Variants in DNHD1 observed in about 807,000 individuals in gnomAD.
DNHD1 encodes dynein heavy chain domain-containing protein 1.
Under a neutral mutation model 458.1 loss-of-function variants are expected in DNHD1, and 383 were observed. The ratio of observed to expected loss-of-function variants is 0.84; its 90% CI spans 0.77 to 0.91. The LOEUF is 0.91. DNHD1 is among the 40% of genes least tolerant of loss of function. The probability of loss-of-function intolerance (pLI) is 0.00; values close to 1 mark genes in which losing one functional copy is unlikely to be tolerated. For synonymous variants in DNHD1, 2,203 were observed against 2,376.9 expected, an observed-to-expected ratio of 0.93 and a Z score of 2.13; for missense variants, 5,336 against 5,866.1, an observed-to-expected ratio of 0.91 and a Z score of 2.95.
chr11:6,498,157 A>G lies in DNHD1; in HGVS notation c.-59A>G. The G allele has an allele frequency of 6.4e-7, 1 of 1,562,372 alleles. No homozygotes were observed. The highest frequency in any genetic ancestry group is 8.7e-7 in the Non-Finnish European group (1 of 1,152,230). ...CCGCATCTGGCATCCTGGAACTGGC[A>G]GTTGGAGCCTGAGCTATGGGCAAGG... On this transcript the variant is annotated 5_prime_UTR_variant, in exon 3 of 43. Coordinates refer to ENST00000254579, the MANE Select transcript of DNHD1 (RefSeq NM_144666.3).
Position 6,498,284 on chromosome 11 carries a change from GC to G in DNHD1, c.70del (p.His24ThrfsTer23). ...ETSSDSLKSW[H>X]SICVLDSKEQ... ...CATCATCTGATTCCCTTAAGTCTTG[GC>G]ACTCCATATGTGTCTTGGACAGCAA... On this transcript the variant is annotated frameshift_variant, in exon 3 of 43. Transcript: ENST00000254579. LOFTEE classifies it high-confidence loss of function. The G allele has an allele frequency of 2.5e-6, 4 of 1,614,068 alleles. No individual in the cohort carries two copies. The highest frequency in any genetic ancestry group is 3.4e-6 in the Non-Finnish European group (4 of 1,180,052).
chr11:6,564,108 G>T lies in DNHD1; in HGVS notation c.10268G>T (p.Trp3423Leu). 6.5e-7 allele frequency: 1 copy of T among 1,549,850 alleles called. No individual in the cohort carries two copies. The highest frequency in any genetic ancestry group is 1.2e-5 in the South Asian group (1 of 84,042). Reference protein sequence around the residue: ...KAALLTPMRAWTTQLQKLKGR... With the variant: ...KAALLTPMRALTTQLQKLKGR... Reference sequence around the variant, plus strand: ...GCACTGCTCACGCCTATGCGTGCCTGGACTACACAGCTCCAGGTAACCATC... The same window carrying T: ...GCACTGCTCACGCCTATGCGTGCCTTGACTACACAGCTCCAGGTAACCATC... The change falls in exon 31 of 43, where the codon TGG becomes TTG. Residue 3423 changes from tryptophan (W) to leucine (L), a missense_variant. Coordinates refer to ENST00000254579, the MANE Select transcript of DNHD1 (RefSeq NM_144666.3).
At position 6,567,024 on chromosome 11, in the gene DNHD1, C is replaced by A. The variant is rs764600375; in HGVS notation, c.11515C>A (p.Gln3839Lys). Residue 3839 changes from glutamine to lysine, a missense_variant, in exon 36 of 43, where the codon CAG (glutamine) becomes AAG (lysine). Transcript: ENST00000254579. The part of the protein sequence containing the change: ...LRAHCEELEG[Q>K]KLQEMVLWAP... ...TGCTCATTGTGAAGAGTTAGAAGGG[C>A]AGAAACTACAGGAGATGGTATTGTG... The A allele has an allele frequency of 6.2e-7, 1 of 1,614,026 alleles. No homozygotes were observed. Among genetic ancestry groups the A allele is most frequent in the South Asian group, 1.1e-5 (1 of 91,090 alleles).
intron 10 of DNHD1, among the ~76,000 whole-genome samples, chr11:6,528,227 C>G (rs963705526): frequency 3.9e-5 from 6 of 152,196 alleles, no homozygotes; most frequent in African/African-American, 1.4e-4. Flanking sequence ...TATTTTAGCT[C>G]TCCTATTATT....
At position 6,568,040 on chromosome 11, in the gene DNHD1, CT is replaced by C; in HGVS notation, c.12352-10del. ...ATCACTTTGAGTCATGCTGCCATCT[CT>C]TTTTTGGTCCCCAGGGGCAGAAGCA... On this transcript the variant is annotated splice_polypyrimidine_tract_variant and intron_variant, in intron 36 of 42. Transcript: ENST00000254579. 6 of 1,551,760 alleles carry C rather than the reference CT, an allele frequency of 3.9e-6. No homozygotes were observed. Among genetic ancestry groups the C allele is most frequent in the Admixed American group, 1.9e-5 (1 of 52,456 alleles).
chr11:6,566,796 T>C lies in DNHD1; in HGVS notation c.11385+31T>C, dbSNP rs201650658. On this transcript the variant is annotated intron_variant, in intron 35 of 42. Coordinates refer to ENST00000254579, the MANE Select transcript of DNHD1 (RefSeq NM_144666.3). ...TGGGGGCTCAGTCTGTGGGTTGAGA[T>C]GAGCATTGGATGGACCTGGGTAAGG... 3.6e-4 allele frequency: 584 copies of C among 1,603,952 alleles called. 2 individuals are homozygous for C. The highest frequency in any genetic ancestry group is 3.0e-3 in the African/African-American group (224 of 74,820).
Position 6,534,120 on chromosome 11 carries a change from A to C in DNHD1, c.2945A>C (p.Gln982Pro). ...CTCGTCTCCCTAGAGCGTCAGTTCC[A>C]GAACACAGTCAGCGACCTCAGTGAA... ...HQLVSLERQF[Q>P]NTVSDLSELH... The change falls in exon 14 of 43, where the codon CAG becomes CCG. Residue 982 changes from glutamine (Q) to proline (P), a missense_variant. By Grantham distance (76) the Gln-to-Pro change is moderately conservative. Coordinates refer to ENST00000254579, the MANE Select transcript of DNHD1 (RefSeq NM_144666.3). 1 of 1,551,478 alleles carries C rather than the reference A, an allele frequency of 6.4e-7. No homozygotes were observed. Among genetic ancestry groups the C allele is most frequent in the South Asian group, 1.2e-5 (1 of 84,038 alleles).
At position 6,557,384 on chromosome 11, in the gene DNHD1, G is replaced by C; in HGVS notation, c.8089G>C (p.Glu2697Gln). Residue 2697 changes from glutamate to glutamine, a missense_variant, in exon 25 of 43, where the codon GAG (glutamate) becomes CAG (glutamine). By Grantham distance (29) the Glu-to-Gln change is conservative. This residue lies in a region of DNHD1 where 3,932 missense variants were observed against 4,365.6 expected (regional missense o/e 0.90). Coordinates refer to ENST00000254579, the MANE Select transcript of DNHD1 (RefSeq NM_144666.3). ...CCTGGGCAAGGACCATCAGGAGAGT[G>C]AGGAGGAGGAGGAGGAGGAGAGGGT... is the stretch of plus-strand genomic sequence containing the variant. ...QHLGKDHQES[E>Q]EEEEEERVPE... The C allele has an allele frequency of 8.5e-7, 1 of 1,177,476 alleles. No homozygotes were observed. Among genetic ancestry groups the C allele is most frequent in the Non-Finnish European group, 1.1e-6 (1 of 900,990 alleles). 72.9% of individuals were successfully genotyped at this position (1,177,476 alleles called of 1,614,324 possible).
At position 6,568,076 on chromosome 11, in the gene DNHD1, G is replaced by A. The variant is rs769937873; in HGVS notation, c.12372G>A (p.Val4124=). The change falls in exon 37 of 43, where the codon GTG becomes GTA. Residue 4124 remains valine (V), a synonymous_variant. Transcript: ENST00000254579. Reference sequence around the variant, plus strand: ...CCCAGGGGCAGAAGCAACTGCAGGTGATAGCCCTGGGCTCTGAAGCCTGGG... The same window carrying A: ...CCCAGGGGCAGAAGCAACTGCAGGTAATAGCCCTGGGCTCTGAAGCCTGGG... ...KYQQGQKQLQ[V]IALGSEAWDP... The A allele has an allele frequency of 6.3e-7, 1 of 1,575,880 alleles. No homozygotes were observed. Among genetic ancestry groups the A allele is most frequent in the Admixed American group, 1.8e-5 (1 of 55,152 alleles).
At chr11:6,559,943 A>G (rs535217010) in intron 28 of DNHD1, among the ~76,000 whole-genome samples, 360 of 152,202 alleles carry the variant, frequency 2.4e-3, no homozygotes, top group Non-Finnish European at 3.6e-3. Flanking sequence ...GCTCCCTTCT[A>G]GTTGAAACCT....
In DNHD1 at chr11:6,546,051, G is replaced by A; in HGVS notation, c.5112G>A (p.Leu1704=). 1 of 1,551,360 alleles carries A rather than the reference G, an allele frequency of 6.4e-7. No homozygotes were observed. The highest frequency in any genetic ancestry group is 1.7e-4 in the Middle Eastern group (1 of 5,988). Reference sequence around the variant, plus strand: ...TAGTGAACAGCCTGGCACAGGCCCTGGGCCGCCAGCTGGTGATGCTACCCT... The same window carrying A: ...TAGTGAACAGCCTGGCACAGGCCCTAGGCCGCCAGCTGGTGATGCTACCCT... ...RAIVNSLAQA[L]GRQLVMLPCS... is the part of the protein sequence containing the mutation. Residue 1704 remains leucine, a synonymous_variant, in exon 21 of 43, where the codon CTG becomes CTA. Transcript: ENST00000254579.
chr11:6,520,377 C>G (rs765134184), intron 10 of DNHD1, 88 bp downstream of exon 10: 8 of 1,548,304 alleles, frequency 5.2e-6, no homozygotes, highest in South Asian at 1.2e-5. Context: ...GGCAGGAGGT[C>G]CAGGCTATAG....
At position 6,538,374 on chromosome 11, in the gene DNHD1, C is replaced by A; in HGVS notation, c.2999-9C>A. On this transcript the variant is annotated splice_polypyrimidine_tract_variant and intron_variant, in intron 14 of 42. Coordinates refer to ENST00000254579, the MANE Select transcript of DNHD1 (RefSeq NM_144666.3). Reference sequence around the variant, plus strand: ...GTAGCCCAGGTCTCAAGTCAGCCCTCCCCCACAGAGGATGAGACTCCTGTG... The same window carrying A: ...GTAGCCCAGGTCTCAAGTCAGCCCTACCCCACAGAGGATGAGACTCCTGTG... 6.4e-7 allele frequency: 1 copy of A among 1,551,672 alleles called. No individual in the cohort carries two copies. Among genetic ancestry groups the A allele is most frequent in the South Asian group, 1.2e-5 (1 of 84,046 alleles).
In DNHD1 at chr11:6,566,760, G is replaced by A; in HGVS notation, c.11380G>A (p.Ala3794Thr). ...AGATACCTGCAAGGCTGTGGAGGCT[G>A]CTGAGGTGCTTGGGGGCTCAGTCTG... ...ALDTCKAVEA[A>T]EERLLTMLLF... Residue 3794 changes from alanine (A) to threonine (T), a missense_variant, in exon 35 of 43, where the codon GCT (alanine) becomes ACT (threonine). Ala to Thr is a moderately conservative substitution (Grantham distance 58). Transcript: ENST00000254579. The A allele has an allele frequency of 1.1e-5, 17 of 1,609,756 alleles. No homozygotes were observed. Among genetic ancestry groups the A allele is most frequent in the Non-Finnish European group, 1.4e-5 (17 of 1,177,876 alleles).
chr11:6,537,226 A>C (rs1201765899), intron 14 of DNHD1, among the ~76,000 whole-genome samples: 1 of 152,242 alleles, frequency 6.6e-6, no homozygotes, highest in Non-Finnish European at 1.5e-5. Flanking sequence ...GAACTAATGT[A>C]GTACCCTGTG....
chr11:6,498,901 G>A lies in DNHD1; in HGVS notation c.686G>A (p.Arg229Gln), dbSNP rs142166265. 4.2e-5 allele frequency: 68 copies of A among 1,613,244 alleles called. No homozygotes were observed. The highest frequency in any genetic ancestry group is 2.9e-4 in the South Asian group (26 of 90,970). The change falls in exon 3 of 43, where the codon CGG becomes CAG. Residue 229 changes from arginine (R) to glutamine (Q), a missense_variant. Coordinates refer to ENST00000254579, the MANE Select transcript of DNHD1 (RefSeq NM_144666.3). ...PLALAADIPV[R>Q]YESSDTDNAE... Reference sequence around the variant, plus strand: ...GCACTGGCAGCGGACATCCCTGTACGGTATGAAAGCAGTGACACTGACAAT... The same window carrying A: ...GCACTGGCAGCGGACATCCCTGTACAGTATGAAAGCAGTGACACTGACAAT...
chr11:6,571,721 T>C lies in DNHD1; in HGVS notation c.13997T>C (p.Ile4666Thr), dbSNP rs11604362. 6.1e-3 allele frequency: 9,773 copies of C among 1,612,482 alleles called. 48 individuals carry two copies. The highest frequency in any genetic ancestry group is 0.026 in the Middle Eastern group (155 of 6,056). ...LQVLHAEWDP[I>T]AGALQDSPSS... ...GTCCTACATGCGGAGTGGGACCCAA[T>C]AGCTGGAGCCTTGCAGGACAGTCCT... Residue 4666 changes from isoleucine (I) to threonine (T), a missense_variant, in exon 43 of 43, where the codon ATA (isoleucine) becomes ACA (threonine). Physicochemically the swap from Ile to Thr is moderately conservative, Grantham distance 89. Transcript: ENST00000254579. The surrounding 1 kb of genome is among the most constrained non-coding windows in gnomAD (Gnocchi z 5.0).
chr11:6,554,486 C>A (rs114216369), intron 24 of DNHD1, among the ~76,000 whole-genome samples: 3 of 151,706 alleles, frequency 2.0e-5, no homozygotes, highest in East Asian at 3.9e-4. Context: ...GACACTGTTA[C>A]GAAAATGAAA....
Position 6,544,602 on chromosome 11 carries a change from C to T in DNHD1, c.3783C>T (p.Phe1261=). ...LGALLEVWLT[F]QQKWIFLNKV... ...CCCTGCTGGAGGTGTGGCTGACTTT[C>T]CAGCAGAAGTGGATTTTTCTGAATA... Residue 1261 remains phenylalanine (F), a synonymous_variant, in exon 20 of 43, where the codon TTC becomes TTT. Transcript: ENST00000254579. The T allele has an allele frequency of 1.3e-6, 2 of 1,551,462 alleles. No homozygotes were observed. Among genetic ancestry groups the T allele is most frequent in the Non-Finnish European group, 1.7e-6 (2 of 1,146,956 alleles).
Sources: gnomAD v4.1 joint callset for allele counts (sites outside exome capture counted in the v4.1 genomes callset) on GRCh38, gnomAD v4.1.1 for gene constraint, gnomAD v4.1.1 regional missense constraint, Gnocchi (gnomAD v3.1) non-coding constraint, MANE v1.5 for transcripts, NCBI Gene and HGNC (gene_info 2026-07-23, HGNC 2026-07-21) for gene names.